Variants in PTGER3 observed in about 807,000 individuals in gnomAD.
The protein encoded by PTGER3 is prostaglandin E receptor 3, also known as prostaglandin E2 receptor EP3 subtype.
Under a neutral mutation model 34.7 loss-of-function variants are expected in PTGER3, and 22 were observed. The observed-to-expected ratio is 0.63, with a 90% CI of 0.45 to 0.91. PTGER3 has a LOEUF of 0.91. Ranked by LOEUF, PTGER3 falls within the 40% of genes least tolerant of loss-of-function variation. PTGER3 has a pLI of 0.00. For missense variants in PTGER3, 468 were observed against 519.4 expected, an observed-to-expected ratio of 0.90 and a Z score of 0.96; for synonymous variants, 241 against 230.1, an observed-to-expected ratio of 1.05 and a Z score of -0.43.
chr1:70,952,325 G>T, downstream of PTGER3: 2 of 775,594 alleles, frequency 2.6e-6, no homozygotes, highest in Non-Finnish European at 3.1e-6. Flanking sequence ...TATGAACCCT[G>T]CCTTCCTTAA....
At chr1:71,043,868 G>A (rs1317408157) in intron 1 of PTGER3, among the ~76,000 whole-genome samples, 20 of 151,072 alleles carry the variant, frequency 1.3e-4, no homozygotes, top group Non-Finnish European at 2.9e-5. Context: ...CCGTGCTGGA[G>A]TGCAGTGGCG....
chr1:70,889,698 C>T lies in PTGER3; in HGVS notation c.*24-36839G>A, dbSNP rs558870819. The stretch of plus-strand genomic sequence containing the variant: ...CTAGTGTTTAATTCTTTTCATATGG[C>T]TTATGATCTATAGTTTTCTTCTTGC... On this transcript the variant is annotated intron_variant, in intron 4 of 4. Coordinates refer to the PTGER3 transcript ENST00000370931. Among the ~76,000 whole-genome samples, 4 of 152,216 alleles carry T rather than the reference C, an allele frequency of 2.6e-5. No individual in the cohort carries two copies. In the East Asian group the frequency reaches 7.7e-4, roughly 29 times the overall value.
At chr1:70,954,357 G>T (rs1651095498) in intron 2 of PTGER3, among the ~76,000 whole-genome samples, 1 of 152,094 alleles carries the variant, frequency 6.6e-6, no homozygotes, top group Non-Finnish European at 1.5e-5. Flanking sequence ...TTCATTTTGT[G>T]AAGCTGTCCA....
At chr1:70,918,896 A>G (rs1056429601) in intron 4 of PTGER3, among the ~76,000 whole-genome samples, 8 of 152,106 alleles carry the variant, frequency 5.3e-5, no homozygotes, top group African/African-American at 1.9e-4. Context: ...AATGAAGCAG[A>G]GAATTAGGAC....
intron 3 of PTGER3, 118 bp downstream of exon 3, chr1:70,974,179 T>G: frequency 7.2e-7 from 1 of 1,382,846 alleles, no homozygotes; most frequent in African/African-American, 1.5e-5. Flanking sequence ...ATCAGATGTA[T>G]ATGTTTAATT....
chr1:70,929,542 C>T (rs1399286845), intron 4 of PTGER3, among the ~76,000 whole-genome samples: 1 of 152,088 alleles, frequency 6.6e-6, no homozygotes, highest in Non-Finnish European at 1.5e-5. Context: ...ACTCTGTGTA[C>T]AAAATAACAT....
In PTGER3 at chr1:70,893,188, A is replaced by G. The variant is rs577805013; in HGVS notation, c.*24-40329T>C. Among the ~76,000 whole-genome samples, 7 of 152,340 alleles carry G rather than the reference A, an allele frequency of 4.6e-5. No homozygotes were observed. In the South Asian group the frequency reaches 1.5e-3, roughly 32 times the overall value. ...GCTGATAATTTACCCATTATGTGCCAGGCACCTTGTACCATCTAGCCTAAT... is the reference window on the plus strand; with the variant it reads ...GCTGATAATTTACCCATTATGTGCCGGGCACCTTGTACCATCTAGCCTAAT... On this transcript the variant is annotated intron_variant, in intron 4 of 4. Coordinates refer to the PTGER3 transcript ENST00000370931.
chr1:70,895,630 ATTTCACAAAAACAAGTTTCTG>A (rs765328921), intron 4 of PTGER3, among the ~76,000 whole-genome samples: 60 of 152,342 alleles, frequency 3.9e-4, no homozygotes, highest in African/African-American at 1.2e-3. Flanking sequence ...CTGATGTGAG[ATTTCACAAAAACAAGTTTCTG>A]TTTCACAGAA....
chr1:71,013,764 A>G (rs1449355601), intron 1 of PTGER3, among the ~76,000 whole-genome samples: 3 of 152,016 alleles, frequency 2.0e-5, no homozygotes, highest in African/African-American at 7.2e-5. Context: ...CAGCTATGCA[A>G]CTCCTAGGAA....
chr1:70,954,671 C>A (rs1651130297), intron 2 of PTGER3, among the ~76,000 whole-genome samples: 1 of 151,992 alleles, frequency 6.6e-6, no homozygotes, highest in South Asian at 2.1e-4. Context: ...TCCTTTTTTC[C>A]CCTTTCACTA....
At chr1:70,926,892 C>T (rs1298945154) in intron 4 of PTGER3, among the ~76,000 whole-genome samples, 2 of 151,786 alleles carry the variant, frequency 1.3e-5, no homozygotes, top group African/African-American at 2.4e-5. Flanking sequence ...TAACATGAAG[C>T]GTTGTTGAAT....
At chr1:70,929,306 T>C (rs1648468407) in intron 4 of PTGER3, among the ~76,000 whole-genome samples, 1 of 152,190 alleles carries the variant, frequency 6.6e-6, no homozygotes, top group Non-Finnish European at 1.5e-5. Flanking sequence ...AGCAGTAACA[T>C]CTTGGTTACT....
At chr1:70,976,203 T>C (rs751115829) in intron 2 of PTGER3, among the ~76,000 whole-genome samples, 8 of 152,140 alleles carry the variant, frequency 5.3e-5, no homozygotes, top group Non-Finnish European at 1.0e-4. Context: ...CTAGTGGCAC[T>C]GTCTGTGGAG....
intron 1 of PTGER3, among the ~76,000 whole-genome samples, chr1:71,025,815 T>C (rs1658878843): frequency 1.3e-5 from 2 of 152,150 alleles, no homozygotes; most frequent in South Asian, 4.1e-4. Context: ...AGCAGTAAAA[T>C]TGTGGGTTAA....
At chr1:70,940,560 T>G (rs971006463) in intron 4 of PTGER3, among the ~76,000 whole-genome samples, 104 of 152,206 alleles carry the variant, frequency 6.8e-4, no homozygotes, top group African/African-American at 2.5e-3. Context: ...GGCCTTGGAA[T>G]CATGGCAGGA....
chr1:70,920,822 A>C (rs1294655420), intron 4 of PTGER3, among the ~76,000 whole-genome samples: 1 of 152,226 alleles, frequency 6.6e-6, no homozygotes, highest in Admixed American at 6.5e-5. Flanking sequence ...AAATGTGGTT[A>C]AATGAAGAAG....
intron 4 of PTGER3, among the ~76,000 whole-genome samples, chr1:70,924,211 C>T (rs964844643): frequency 6.6e-6 from 1 of 151,986 alleles, no homozygotes; most frequent in Admixed American, 6.6e-5. Context: ...AACAGAGTTC[C>T]ATTGAAGCCA....
At chr1:70,966,961 C>A (rs558103312), downstream of PTGER3, among the ~76,000 whole-genome samples, 2 of 151,870 alleles carry the variant, frequency 1.3e-5, no homozygotes, top group Non-Finnish European at 2.9e-5. Flanking sequence ...GGGGTATATA[C>A]CCAGTAATAG....
At chr1:70,965,100 A>G (rs1652373142) in intron 2 of PTGER3, among the ~76,000 whole-genome samples, 1 of 152,212 alleles carries the variant, frequency 6.6e-6, no homozygotes, top group South Asian at 2.1e-4. Context: ...ATAGAACAGC[A>G]TATGAAAAGC....
Sources: allele counts gnomAD v4.1 joint callset (sites outside exome capture counted in the v4.1 genomes callset), GRCh38; gene constraint gnomAD v4.1.1; transcripts MANE v1.5; gene names NCBI Gene and HGNC (gene_info 2026-07-23, HGNC 2026-07-21).